NBAS: variants seen among roughly 807,000 people sequenced by gnomAD.
NBAS encodes the protein NBAS subunit of NRZ tethering complex, also known as NAG/BC035112 fusion.
NBAS carries 219 observed loss-of-function variants against 302.5 expected under a neutral mutation model. The ratio of observed to expected loss-of-function variants is 0.72; its 90% CI spans 0.65 to 0.81. The LOEUF is 0.81. NBAS is among the 30% of genes least tolerant of loss of function. The pLI, the probability that NBAS is intolerant of heterozygous loss-of-function variation, is 0.00. For synonymous variants in NBAS, 1,118 were observed against 1,021.6 expected, an observed-to-expected ratio of 1.09 and a Z score of -1.80; for missense variants, 2,932 against 2,841.6, an observed-to-expected ratio of 1.03 and a Z score of -0.72.
chr2:15,247,817 G>A (rs1055081087), intron 44 of NBAS, among the ~76,000 whole-genome samples: 2 of 151,482 alleles, frequency 1.3e-5, no homozygotes, highest in African/African-American at 2.4e-5. Flanking sequence ...CAAGTTCCTA[G>A]AGACCTACAA....
chr2:15,227,808 A>T (rs77095491), intron 47 of NBAS, among the ~76,000 whole-genome samples: 1 of 152,204 alleles, frequency 6.6e-6, no homozygotes, highest in African/African-American at 2.4e-5. Flanking sequence ...CTGGACTTCT[A>T]TCTCTCACCA....
the NBAS span, among the ~76,000 whole-genome samples, chr2:14,933,160 G>A: frequency 0.11 from 16,114 of 152,214 alleles, 923 homozygotes; most frequent in East Asian, 0.15. Context: ...AAGACATAGT[G>A]CTAACAAACA....
chr2:15,477,021 A>C (rs1468667361), intron 13 of NBAS, among the ~76,000 whole-genome samples: 1 of 152,192 alleles, frequency 6.6e-6, no homozygotes, highest in Non-Finnish European at 1.5e-5. Context: ...CATGTAAATA[A>C]GAAATTTCAA....
chr2:15,049,334 C>T, the NBAS span, among the ~76,000 whole-genome samples: 1 of 152,332 alleles, frequency 6.6e-6, no homozygotes, highest in East Asian at 1.9e-4. Flanking sequence ...ATGCCACCAC[C>T]TGCTGGGCTG....
Position 15,352,012 on chromosome 2 carries a change from T to C in NBAS, c.4159A>G (p.Thr1387Ala). ...GGENISASPL[T>A]SKAVQEDEVG... ...CTTACCTCTTGTACTGCTTTACTAG[T>C]TAATGGTGAAGCACTGATATTTTCC... Residue 1387 changes from threonine (T) to alanine (A), a missense_variant, in exon 35 of 52, where the codon ACT becomes GCT. By Grantham distance (58) the Thr-to-Ala change is moderately conservative. Transcript: ENST00000281513. 1 of 1,611,150 alleles carries C rather than the reference T, an allele frequency of 6.2e-7. No individual in the cohort carries two copies. Among genetic ancestry groups the C allele is most frequent in the Non-Finnish European group, 8.5e-7 (1 of 1,177,474 alleles).
the NBAS span, among the ~76,000 whole-genome samples, chr2:14,819,695 C>T: frequency 6.6e-6 from 1 of 152,092 alleles, no homozygotes; most frequent in Non-Finnish European, 1.5e-5. Flanking sequence ...TTCTACACAG[C>T]AAAGGTTACA....
intron 8 of NBAS, 144 bp downstream of exon 8, chr2:15,536,274 C>T (rs1286895489): frequency 1.1e-6 from 1 of 911,008 alleles, no homozygotes; most frequent in Non-Finnish European, 1.7e-6. Flanking sequence ...TGGGTGTTCA[C>T]CACACCACTC....
At chr2:14,918,312 CAAAA>C in the NBAS span, among the ~76,000 whole-genome samples, 4,267 of 103,560 alleles carry the variant, frequency 0.041, 183 homozygotes, top group African/African-American at 0.13. Flanking sequence ...GAAATCCATG[CAAAA>C]AAAAAAAAAA....
chr2:15,028,585 C>T, the NBAS span, among the ~76,000 whole-genome samples: 4 of 152,098 alleles, frequency 2.6e-5, no homozygotes, highest in Non-Finnish European at 5.9e-5. Context: ...CCTATGAGGC[C>T]CTGCATAATT....
chr2:14,927,463 G>C, the NBAS span, among the ~76,000 whole-genome samples: 1 of 152,116 alleles, frequency 6.6e-6, no homozygotes, highest in Admixed American at 6.5e-5. Context: ...TCCATCCCCT[G>C]ATGGACATTT....
chr2:14,926,229 G>C, the NBAS span, among the ~76,000 whole-genome samples: 1 of 152,170 alleles, frequency 6.6e-6, no homozygotes, highest in Non-Finnish European at 1.5e-5. Context: ...TACGGGAACA[G>C]AGATCACACC....
At chr2:15,285,152 A>G (rs1572587895) in intron 42 of NBAS, among the ~76,000 whole-genome samples, 1 of 152,242 alleles carries the variant, frequency 6.6e-6, no homozygotes, top group Non-Finnish European at 1.5e-5. Context: ...CGTCCATGCA[A>G]TATTTATCAC....
At chr2:15,191,588 G>C (rs944444363) in intron 48 of NBAS, among the ~76,000 whole-genome samples, 3 of 152,170 alleles carry the variant, frequency 2.0e-5, no homozygotes, top group Non-Finnish European at 2.9e-5. Context: ...GTGGAGGACA[G>C]CACAGGTATT....
At chr2:15,326,469 C>G (rs998027801) in intron 38 of NBAS, among the ~76,000 whole-genome samples, 1 of 152,126 alleles carries the variant, frequency 6.6e-6, no homozygotes, top group Non-Finnish European at 1.5e-5. Flanking sequence ...CTTAAGGTCT[C>G]AGATTCTATC....
chr2:15,363,129 G>C lies in NBAS; in HGVS notation c.3817+3451C>G, dbSNP rs1446869025. Reference sequence around the variant, plus strand: ...TGGTTGGGGAGAGATTCCCACCTGTGAATGACAGCTTCAGGCCATATCCAC... The same window carrying C: ...TGGTTGGGGAGAGATTCCCACCTGTCAATGACAGCTTCAGGCCATATCCAC... On this transcript the variant is annotated intron_variant, in intron 32 of 51. Transcript: ENST00000281513. Among the ~76,000 whole-genome samples, 4 of 152,268 alleles carry C rather than the reference G, an allele frequency of 2.6e-5. No homozygotes were observed. The East Asian group carries it at 7.7e-4, about 29-fold the overall frequency.
At chr2:15,097,873 G>A in the NBAS span, among the ~76,000 whole-genome samples, 1,471 of 133,672 alleles carry the variant, frequency 0.011, 33 homozygotes, top group African/African-American at 0.04. Flanking sequence ...CTAACACATG[G>A]TAAGTGTCCA....
rs1664710253 is a variant in NBAS at position 15,179,287 on chromosome 2, C to T, written c.6712-171G>A. 9.8e-6 allele frequency: 9 copies of T among 914,716 alleles called. No individual in the cohort carries two copies. The South Asian group carries it at 1.1e-4, about 11-fold the overall frequency. The allele number at this position is 914,716 out of a possible 1,614,324, so 56.7% of individuals were successfully genotyped here. On this transcript the variant is annotated intron_variant, in intron 50 of 51. Transcript: ENST00000281513. ...AATATGGGCGTTGGTACCTGCTTCA[C>T]TTGGTTCACAGTAAACTGTGTACAG...
Position 15,366,565 on chromosome 2 carries a change from A to T in NBAS, c.3817+15T>A. ...TAGAAAGCTTATTCTGCAGTTTAGTACTCAAAAGACTTACCTGCAACCCTC... is the reference window on the plus strand; with the variant it reads ...TAGAAAGCTTATTCTGCAGTTTAGTTCTCAAAAGACTTACCTGCAACCCTC... On this transcript the variant is annotated intron_variant, in intron 32 of 51. Transcript: ENST00000281513. 4.4e-6 allele frequency: 7 copies of T among 1,596,938 alleles called. No homozygotes were observed. Among genetic ancestry groups the T allele is most frequent in the Non-Finnish European group, 6.0e-6 (7 of 1,164,410 alleles).
At chr2:15,443,914 G>C (rs1222262120) in intron 21 of NBAS, among the ~76,000 whole-genome samples, 2 of 152,064 alleles carry the variant, frequency 1.3e-5, no homozygotes, top group African/African-American at 2.4e-5. Flanking sequence ...TTGCTTCAAA[G>C]AGAATAAAAT....
Sources: allele counts gnomAD v4.1 joint callset (sites outside exome capture counted in the v4.1 genomes callset), GRCh38; gene constraint gnomAD v4.1.1; transcripts MANE v1.5; gene names NCBI Gene and HGNC (gene_info 2026-07-23, HGNC 2026-07-21).